ABCC9: variants seen among roughly 807,000 people sequenced by gnomAD.
The protein encoded by ABCC9 is ATP binding cassette subfamily C member 9.
Under a neutral mutation model 188.3 loss-of-function variants are expected in ABCC9, and 95 were observed. The ratio of observed to expected loss-of-function variants is 0.50; its 90% CI spans 0.43 to 0.60. The LOEUF (loss-of-function observed/expected upper bound fraction) is 0.60, where lower values mean the gene tolerates loss of function less well. ABCC9 is among the 20% of genes least tolerant of loss of function. The probability of loss-of-function intolerance (pLI) is 0.00; values close to 1 mark genes in which losing one functional copy is unlikely to be tolerated. For synonymous variants in ABCC9, 659 were observed against 652.7 expected (o/e 1.01, Z -0.15); for missense variants, 1,102 against 1,876.3 (o/e 0.59, Z 7.62).
chr12:21,802,937 T>C (rs1017918977), intron 39 of ABCC9, among the ~76,000 whole-genome samples: 7 of 152,052 alleles, frequency 4.6e-5, no homozygotes, highest in African/African-American at 1.7e-4. Context: ...AAGAAACATA[T>C]ATGAAATGTG....
chr12:21,904,615 A>C (rs1266149982), intron 12 of ABCC9, among the ~76,000 whole-genome samples: 9 of 152,208 alleles, frequency 5.9e-5, no homozygotes, highest in Admixed American at 2.0e-4. Flanking sequence ...AAAAGTGGGC[A>C]AAGGGTCTGA....
intron 28 of ABCC9, 81 bp downstream of exon 28, chr12:21,844,402 G>T: frequency 4.3e-6 from 5 of 1,171,294 alleles, no homozygotes; most frequent in South Asian, 2.4e-5. Context: ...TTGTTAATAG[G>T]AATTATACTT....
At position 21,890,542 on chromosome 12, in the gene ABCC9, C is replaced by A. The variant is rs1164072109; in HGVS notation, c.1803-2608G>T. Among the ~76,000 whole-genome samples the A allele has an allele frequency of 2.6e-5, 4 of 152,130 alleles. No homozygotes were observed. The East Asian group carries it at 7.7e-4, about 29-fold the overall frequency. On this transcript the variant is annotated intron_variant, in intron 14 of 39. Transcript: ENST00000261200. ...ATTTTTAAGGATTCTATGAAAGAGTCACTACCTCCTTTAAATCTTTACCAA... is the reference window on the plus strand; with the variant it reads ...ATTTTTAAGGATTCTATGAAAGAGTAACTACCTCCTTTAAATCTTTACCAA...
Position 21,805,266 on chromosome 12 carries a change from A to T in ABCC9, c.4512+732T>A, listed in dbSNP as rs1383596373. 1.2e-6 allele frequency: 2 copies of T among 1,613,984 alleles called. No individual in the cohort carries two copies. The highest frequency in any genetic ancestry group is 1.7e-6 in the Non-Finnish European group (2 of 1,179,992). On this transcript the variant is annotated intron_variant, in intron 39 of 39. Transcript: ENST00000261200. Reference sequence around the variant, plus strand: ...TCACACTCCACTAAAATACCCTCAGAAAAGACTAAAACAAGGCCTGCATCC... The same window carrying T: ...TCACACTCCACTAAAATACCCTCAGTAAAGACTAAAACAAGGCCTGCATCC...
At chr12:21,891,697 T>C (rs1947167890) in intron 14 of ABCC9, among the ~76,000 whole-genome samples, 1 of 152,204 alleles carries the variant, frequency 6.6e-6, no homozygotes, top group African/African-American at 2.4e-5. Flanking sequence ...TTTGACAGTG[T>C]GCTTTATCCC....
intron 37 of ABCC9, among the ~76,000 whole-genome samples, chr12:21,807,796 A>C (rs1941959351): frequency 1.3e-5 from 2 of 152,222 alleles, no homozygotes; most frequent in South Asian, 4.1e-4. Flanking sequence ...TAATATAATT[A>C]CCTAAGGCCC....
chr12:21,878,308 T>C (rs2137622536), intron 16 of ABCC9, among the ~76,000 whole-genome samples: 1 of 152,264 alleles, frequency 6.6e-6, no homozygotes, highest in East Asian at 1.9e-4. Flanking sequence ...AATGAAAAAT[T>C]AAAAAGAGTG....
intron 22 of ABCC9, among the ~76,000 whole-genome samples, chr12:21,854,979 T>C (rs1470719028): frequency 6.6e-6 from 1 of 152,154 alleles, no homozygotes; most frequent in African/African-American, 2.4e-5. Flanking sequence ...CAAATCTTGA[T>C]ATCAGCAAAT....
At chr12:21,881,037 AAC>A (rs374702057) in intron 16 of ABCC9, among the ~76,000 whole-genome samples, 12 of 151,660 alleles carry the variant, frequency 7.9e-5, no homozygotes, top group South Asian at 2.1e-4. Flanking sequence ...CAAAAGAAGC[AAC>A]ACACACACAC....
intron 32 of ABCC9, 146 bp downstream of exon 32, chr12:21,818,004 T>TG: frequency 2.4e-6 from 1 of 416,490 alleles, no homozygotes; most frequent in Non-Finnish European, 4.9e-6. Flanking sequence ...CTAAGTTCCC[T>TG]CCCCTCACCC....
At chr12:21,834,748 T>C (rs1481187635) in intron 30 of ABCC9, among the ~76,000 whole-genome samples, 2 of 151,590 alleles carry the variant, frequency 1.3e-5, no homozygotes, top group Admixed American at 6.6e-5. Flanking sequence ...GAAAATGATA[T>C]ATATATATGA....
chr12:21,877,865 G>T (rs1398950328), intron 16 of ABCC9, among the ~76,000 whole-genome samples: 1 of 152,174 alleles, frequency 6.6e-6, no homozygotes, highest in South Asian at 2.1e-4. Flanking sequence ...GGCCATGCTG[G>T]CCTATATCAT....
chr12:21,932,823 G>A (rs906453548), intron 4 of ABCC9, among the ~76,000 whole-genome samples: 2 of 151,872 alleles, frequency 1.3e-5, no homozygotes, highest in South Asian at 2.1e-4. Flanking sequence ...AGAAGACAGC[G>A]TGGTGATTCC....
chr12:21,858,447 T>A (rs1277332931), intron 22 of ABCC9, among the ~76,000 whole-genome samples: 1 of 151,188 alleles, frequency 6.6e-6, no homozygotes, highest in Non-Finnish European at 1.5e-5. Context: ...AGTATGGTGG[T>A]ATGCACCTGT....
intron 18 of ABCC9, among the ~76,000 whole-genome samples, chr12:21,865,091 C>T (rs1263367553): frequency 6.6e-6 from 1 of 152,110 alleles, no homozygotes; most frequent in South Asian, 2.1e-4. Flanking sequence ...TGAGGAAAGA[C>T]ACCTGAAGAC....
intron 39 of ABCC9, among the ~76,000 whole-genome samples, chr12:21,803,312 T>G (rs904810610): frequency 1.3e-5 from 2 of 152,002 alleles, no homozygotes; most frequent in Non-Finnish European, 2.9e-5. Flanking sequence ...AATATAATCT[T>G]ATAAACATTG....
chr12:21,830,013 A>G (rs898388902), intron 30 of ABCC9, among the ~76,000 whole-genome samples: 3 of 152,308 alleles, frequency 2.0e-5, no homozygotes, highest in Admixed American at 1.3e-4. Flanking sequence ...ATTTGTAAGG[A>G]TGGTCATTGC....
chr12:21,880,860 C>T (rs1029736564), intron 16 of ABCC9, among the ~76,000 whole-genome samples: 4 of 152,014 alleles, frequency 2.6e-5, no homozygotes, highest in Non-Finnish European at 5.9e-5. Flanking sequence ...AGCAACTGTT[C>T]ACAATAGCCC....
intron 37 of ABCC9, 64 bp from the exon 38 acceptor site, chr12:21,807,543 A>AATCATG (rs1178839213): frequency 6.2e-7 from 1 of 1,605,714 alleles, no homozygotes; most frequent in Non-Finnish European, 8.5e-7. Context: ...CCTTGGACAA[A>AATCATG]ATCATGAAAA....
Sources: gnomAD v4.1 joint callset for allele counts (sites outside exome capture counted in the v4.1 genomes callset) on GRCh38, gnomAD v4.1.1 for gene constraint, MANE v1.5 for transcripts, NCBI Gene and HGNC (gene_info 2026-07-23, HGNC 2026-07-21) for gene names.